Variants in PHF7 observed in about 807,000 individuals in gnomAD.
PHF7 encodes PHD finger protein 7, also known as E3 ubiquitin-protein ligase PHF7.
PHF7 carries 24 observed loss-of-function variants against 47.5 expected under a neutral mutation model. The observed-to-expected ratio is 0.51, with a 90% CI of 0.37 to 0.71. The LOEUF is 0.71. Among genes scored for constraint, PHF7 ranks in the 30% least tolerant of loss-of-function variants. The probability of loss-of-function intolerance (pLI) is 0.00; values close to 1 mark genes in which losing one functional copy is unlikely to be tolerated. For synonymous variants in PHF7, 156 were observed against 153.8 expected, an observed-to-expected ratio of 1.01 and a Z score of -0.11; for missense variants, 361 against 456.8, an observed-to-expected ratio of 0.79 and a Z score of 1.91.
intron 7 of PHF7, 43 bp downstream of exon 7, chr3:52,421,105 G>A (rs1363235683): frequency 6.5e-7 from 1 of 1,537,456 alleles, no homozygotes; most frequent in South Asian, 1.2e-5. Context: ...CATTGCCCTA[G>A]TTCTCTGCCT....
chr3:52,420,753 T>C (rs537897847), intron 6 of PHF7, 150 bp from the exon 7 acceptor site: 2 of 696,694 alleles, frequency 2.9e-6, no homozygotes, highest in South Asian at 1.8e-5. Context: ...TGAGAAGGCA[T>C]GTGGCAGTTC....
At position 52,421,074 on chromosome 3, in the gene PHF7, T is replaced by G; in HGVS notation, c.573+12T>G. The G allele has an allele frequency of 1.3e-6, 2 of 1,595,610 alleles. No homozygotes were observed. Among genetic ancestry groups the G allele is most frequent in the Non-Finnish European group, 1.7e-6 (2 of 1,170,906 alleles). On this transcript the variant is annotated intron_variant, in intron 7 of 10. Transcript: ENST00000327906. ...GCAAGTGCATACAGGTGGGGCTTTTTCCGCCCTGGGTCCCTTCCACCATTG... is the reference window on the plus strand; with the variant it reads ...GCAAGTGCATACAGGTGGGGCTTTTGCCGCCCTGGGTCCCTTCCACCATTG...
intron 7 of PHF7, 21 bp downstream of exon 7, chr3:52,421,083 G>T (rs1412914884): frequency 1.3e-6 from 2 of 1,583,720 alleles, no homozygotes; most frequent in East Asian, 4.6e-5. Flanking sequence ...TTCCGCCCTG[G>T]GTCCCTTCCA....
At chr3:52,413,967 A>C in intron 2 of PHF7, 29 bp from the exon 3 acceptor site, 1 of 1,517,228 alleles carries the variant, frequency 6.6e-7, no homozygotes, top group Non-Finnish European at 9.2e-7. Flanking sequence ...CCCAAAGAAC[A>C]CCTTGTGCTT....
chr3:52,416,330 T>C (rs1259290205), intron 4 of PHF7, among the ~76,000 whole-genome samples: 1 of 151,140 alleles, frequency 6.6e-6, no homozygotes, highest in Non-Finnish European at 1.5e-5. Flanking sequence ...GGACTACAGG[T>C]GCCTGTCACC....
intron 4 of PHF7, among the ~76,000 whole-genome samples, chr3:52,418,503 ATAAT>A (rs763427006): frequency 3.3e-5 from 5 of 152,248 alleles, no homozygotes; most frequent in Admixed American, 6.5e-5. Flanking sequence ...AAGCCCTGAG[ATAAT>A]TAGTTTTAAA....
At chr3:52,414,679 G>T in intron 4 of PHF7, 92 bp downstream of exon 4, 1 of 711,430 alleles carries the variant, frequency 1.4e-6, no homozygotes. Context: ...CCACAGCCTT[G>T]TTTTTTTATT....
chr3:52,413,200 C>T (rs1705512775), intron 2 of PHF7, among the ~76,000 whole-genome samples: 1 of 152,180 alleles, frequency 6.6e-6, no homozygotes, highest in Non-Finnish European at 1.5e-5. Context: ...GTTTCCTCAT[C>T]TGGAAAATGT....
At chr3:52,414,155 T>G in intron 3 of PHF7, 107 bp downstream of exon 3, 4 of 742,232 alleles carry the variant, frequency 5.4e-6, no homozygotes, top group Non-Finnish European at 9.5e-6. Flanking sequence ...CCAGCCCTAC[T>G]TCCTTCCTAG....
chr3:52,414,698 T>C, intron 4 of PHF7, 111 bp downstream of exon 4: 6 of 613,566 alleles, frequency 9.8e-6, no homozygotes, highest in East Asian at 6.5e-5. Context: ...TTTTTCTTAA[T>C]AGCTTTTTTG....
intron 1 of PHF7, among the ~76,000 whole-genome samples, chr3:52,411,714 T>C (rs1237080251): frequency 2.0e-5 from 3 of 152,240 alleles, no homozygotes; most frequent in African/African-American, 7.2e-5. Context: ...CCCGTTCACT[T>C]TCAGGGATCT....
Position 52,412,499 on chromosome 3 carries a change from CATG to C in PHF7, c.-69-310_-69-308del, listed in dbSNP as rs967772932. Among the ~76,000 whole-genome samples the C allele has an allele frequency of 2.8e-4, 42 of 152,304 alleles. 1 individual carries two copies. The highest frequency in any genetic ancestry group is 9.4e-4 in the African/African-American group (39 of 41,560). Reference sequence around the variant, plus strand: ...TTGCTACTGTGTGATAGCAGTATAACATGAGAGTTAGTGTTGGCCTCTGGAGCC... The same window carrying C: ...TTGCTACTGTGTGATAGCAGTATAACAGAGTTAGTGTTGGCCTCTGGAGCC... On this transcript the variant is annotated intron_variant, in intron 1 of 10. Coordinates refer to ENST00000327906, the MANE Select transcript of PHF7 (RefSeq NM_016483.7).
chr3:52,412,513 T>G (rs1460683445), intron 1 of PHF7, among the ~76,000 whole-genome samples: 1 of 152,254 alleles, frequency 6.6e-6, no homozygotes, highest in Non-Finnish European at 1.5e-5. Flanking sequence ...AGAGTTAGTG[T>G]TGGCCTCTGG....
intron 4 of PHF7, among the ~76,000 whole-genome samples, chr3:52,415,775 T>G (rs1705604777): frequency 6.6e-6 from 1 of 152,264 alleles, no homozygotes; most frequent in South Asian, 2.1e-4. Flanking sequence ...TTTGCTTATC[T>G]GTTCACCTGT....
chr3:52,415,375 T>C (rs913126021), intron 4 of PHF7, among the ~76,000 whole-genome samples: 4 of 152,166 alleles, frequency 2.6e-5, no homozygotes, highest in African/African-American at 9.7e-5. Context: ...TTTGTATTTT[T>C]AGTAGAGACA....
At chr3:52,412,651 A>G (rs1705486673) in intron 1 of PHF7, among the ~76,000 whole-genome samples, 160 bp from the exon 2 acceptor site, 1 of 152,210 alleles carries the variant, frequency 6.6e-6, no homozygotes, top group African/African-American at 2.4e-5. Flanking sequence ...TACCTACTGC[A>G]TGGCGTGTTT....
chr3:52,421,655 C>G lies in PHF7; in HGVS notation c.581C>G (p.Ala194Gly). 1 of 1,587,986 alleles carries G rather than the reference C, an allele frequency of 6.3e-7. No individual in the cohort carries two copies. Among genetic ancestry groups the G allele is most frequent in the Non-Finnish European group, 8.6e-7 (1 of 1,156,254 alleles). ...TCCCTGTTTCTCTTACAGAAATATG[C>G]CCACACATCAGCAAAGCATTTCTTC... The part of the protein sequence containing the change: ...IYHRKCIQKY[A>G]HTSAKHFFKC... The change falls in exon 8 of 11, where the codon GCC (alanine) becomes GGC (glycine). Residue 194 changes from alanine to glycine, a missense_variant. Transcript: ENST00000327906.
At chr3:52,414,995 CA>C (rs1705578499) in intron 4 of PHF7, among the ~76,000 whole-genome samples, 1 of 151,698 alleles carries the variant, frequency 6.6e-6, no homozygotes, top group Non-Finnish European at 1.5e-5. Context: ...GACCTTGCCT[CA>C]AAAAAAGAAA....
chr3:52,413,955 T>G (rs1052720129), intron 2 of PHF7, 41 bp from the exon 3 acceptor site: 2 of 1,375,846 alleles, frequency 1.5e-6, no homozygotes, highest in Non-Finnish European at 2.1e-6. Context: ...ATCAACAAGA[T>G]CCCCAAAGAA....
Sources: allele counts gnomAD v4.1 joint callset (sites outside exome capture counted in the v4.1 genomes callset), GRCh38; gene constraint gnomAD v4.1.1; transcripts MANE v1.5; gene names NCBI Gene and HGNC (gene_info 2026-07-23, HGNC 2026-07-21).